Variants in VSIG10 observed in about 807,000 individuals in gnomAD.
VSIG10 encodes the protein V-set and immunoglobulin domain-containing protein 10.
Under a neutral mutation model 58.7 loss-of-function variants are expected in VSIG10, and 48 were observed. The observed-to-expected ratio is 0.82, with a 90% CI of 0.65 to 1.04. The LOEUF (loss-of-function observed/expected upper bound fraction) is 1.04. VSIG10 is among the 50% of genes least tolerant of loss of function. The pLI is 0.00. For missense variants in VSIG10, 628 were observed against 670.0 expected (o/e 0.94, Z 0.69); for synonymous variants, 260 against 267.1 (o/e 0.97, Z 0.26).
At chr12:118,094,500 C>A (rs897156481) in intron 2 of VSIG10, among the ~76,000 whole-genome samples, 1 of 152,000 alleles carries the variant, frequency 6.6e-6, no homozygotes. Context: ...TCTCCTGCCT[C>A]AGCCTCCCGA....
rs766337791 is a variant in VSIG10 at position 118,087,855 on chromosome 12, A to AAAAAAAAAAGAG, written c.362-5427_362-5426insCTCTTTTTTTTT. On this transcript the variant is annotated intron_variant, in intron 2 of 8. Transcript: ENST00000359236. Reference sequence around the variant, plus strand: ...CCTGTCTCAAAAAAAAAAAAAAAAAAAGAGAGAGAAGGAGGTAATGTGACT... The same window carrying AAAAAAAAAAGAG: ...CCTGTCTCAAAAAAAAAAAAAAAAAAAAAAAAAAAGAGAGAGAGAGAAGGAGGTAATGTGACT... 1.3e-3 allele frequency among the ~76,000 whole-genome samples: 170 copies of AAAAAAAAAAGAG among 131,286 alleles called. 7 individuals carry two copies. Among genetic ancestry groups the AAAAAAAAAAGAG allele is most frequent in the Non-Finnish European group, 2.1e-3 (129 of 60,896 alleles). 86.1% of individuals were successfully genotyped at this position (131,286 alleles called of 152,430 possible). A position where few individuals can be genotyped will look rare whatever the true frequency, so the allele number is the denominator to read the frequency against.
chr12:118,070,092 G>A (rs2032425607), intron 7 of VSIG10, among the ~76,000 whole-genome samples: 1 of 152,134 alleles, frequency 6.6e-6, no homozygotes, highest in Admixed American at 6.6e-5. Context: ...TTTTGAAGAG[G>A]TAAAGAACTG....
chr12:118,068,637 AT>A, intron 7 of VSIG10, 40 bp from the exon 8 acceptor site: 1 of 1,492,190 alleles, frequency 6.7e-7, no homozygotes, highest in South Asian at 1.4e-5. Flanking sequence ...AAGATTTCTT[AT>A]TTTTCCCAAC....
At chr12:118,093,357 C>T (rs1047380211) in intron 2 of VSIG10, among the ~76,000 whole-genome samples, 1 of 151,730 alleles carries the variant, frequency 6.6e-6, no homozygotes, top group Non-Finnish European at 1.5e-5. Flanking sequence ...AGTTTACAAC[C>T]TCGCACTCTA....
chr12:118,078,144 T>C (rs2032798532), intron 4 of VSIG10, among the ~76,000 whole-genome samples: 1 of 152,152 alleles, frequency 6.6e-6, no homozygotes. Flanking sequence ...ACTGCAAAAG[T>C]AATTACAATT....
chr12:118,089,474 TA>T (rs1336249756), intron 2 of VSIG10, among the ~76,000 whole-genome samples: 1 of 152,216 alleles, frequency 6.6e-6, no homozygotes, highest in Non-Finnish European at 1.5e-5. Flanking sequence ...AAGATAAGGT[TA>T]TTCATTGATG....
intron 1 of VSIG10, among the ~76,000 whole-genome samples, chr12:118,096,226 A>C (rs1179866253): frequency 2.6e-5 from 4 of 151,220 alleles, no homozygotes. Flanking sequence ...GCGGATCACA[A>C]GGTCAAGACA....
At chr12:118,095,389 G>C in intron 2 of VSIG10, 144 bp downstream of exon 2, 4 of 1,032,594 alleles carry the variant, frequency 3.9e-6, no homozygotes, top group Non-Finnish European at 5.6e-6. Context: ...ATAGAGGTGT[G>C]AGAGGTCCCT....
At chr12:118,084,118 T>C (rs1050516805) in intron 2 of VSIG10, among the ~76,000 whole-genome samples, 2 of 152,096 alleles carry the variant, frequency 1.3e-5, no homozygotes, top group African/African-American at 2.4e-5. Flanking sequence ...AGACCCTCCC[T>C]ATCTCAAGAA....
intron 2 of VSIG10, among the ~76,000 whole-genome samples, chr12:118,089,026 C>A (rs1194533028): frequency 6.6e-6 from 1 of 151,096 alleles, no homozygotes; most frequent in Non-Finnish European, 1.5e-5. Context: ...CGGCTCACTG[C>A]AACCTCCGCC....
At chr12:118,069,126 G>A (rs144434381) in intron 7 of VSIG10, among the ~76,000 whole-genome samples, 1 of 150,056 alleles carries the variant, frequency 6.7e-6, no homozygotes, top group African/African-American at 2.4e-5. Flanking sequence ...GTCTTGCGCT[G>A]TTGCCCAGGC....
intron 1 of VSIG10, chr12:118,102,835 C>T (rs1278975191): frequency 6.6e-6 from 1 of 152,288 alleles, no homozygotes; most frequent in Non-Finnish European, 1.5e-5. Flanking sequence ...TGTCACACTC[C>T]CAGCACACAG....
intron 7 of VSIG10, among the ~76,000 whole-genome samples, chr12:118,069,733 A>C (rs917965254): frequency 6.6e-6 from 1 of 151,924 alleles, no homozygotes; most frequent in African/African-American, 2.4e-5. Flanking sequence ...GGCCTGGACT[A>C]TGCATTTCTT....
At chr12:118,080,847 T>C (rs1329203887) in intron 3 of VSIG10, among the ~76,000 whole-genome samples, 1 of 152,006 alleles carries the variant, frequency 6.6e-6, no homozygotes, top group Non-Finnish European at 1.5e-5. Flanking sequence ...AGAATGCGGA[T>C]TGGGGGTTGT....
At chr12:118,082,757 A>G (rs1378249800) in intron 2 of VSIG10, among the ~76,000 whole-genome samples, 1 of 151,772 alleles carries the variant, frequency 6.6e-6, no homozygotes, top group East Asian at 2.0e-4. Context: ...AAGGAGGATC[A>G]CTTGAGGCCA....
intron 2 of VSIG10, among the ~76,000 whole-genome samples, chr12:118,084,669 A>G (rs2033065691): frequency 3.3e-5 from 5 of 152,128 alleles, no homozygotes. Flanking sequence ...GCTTGAGGTC[A>G]GGAGTTTGAG....
chr12:118,082,522 G>A (rs746362460), intron 2 of VSIG10, 93 bp from the exon 3 acceptor site: 22 of 1,284,224 alleles, frequency 1.7e-5, no homozygotes, highest in Non-Finnish European at 2.4e-5. Flanking sequence ...ACAGAAAATA[G>A]CCAATGAAGA....
At chr12:118,098,053 C>A (rs1322778852) in intron 1 of VSIG10, among the ~76,000 whole-genome samples, 1 of 152,168 alleles carries the variant, frequency 6.6e-6, no homozygotes, top group Non-Finnish European at 1.5e-5. Context: ...CCTAACCAAC[C>A]ACCCCAGCCT....
chr12:118,073,918 A>T lies in VSIG10; in HGVS notation c.1000T>A (p.Ser334Thr). 1.2e-6 allele frequency: 2 copies of T among 1,612,960 alleles called. No homozygotes were observed. Among genetic ancestry groups the T allele is most frequent in the Non-Finnish European group, 1.7e-6 (2 of 1,179,228 alleles). Residue 334 changes from serine (S) to threonine (T), a missense_variant, in exon 5 of 9, where the codon TCT becomes ACT. Physicochemically the swap from Ser to Thr is moderately conservative, Grantham distance 58 (BLOSUM62 1). Coordinates refer to ENST00000359236, the MANE Select transcript of VSIG10 (RefSeq NM_019086.6). ...ATCTTGGCAGGGGGGTAGGCCCCAGACACCTGGCATGTAAGCGTCACATTG... is the reference window on the plus strand; with the variant it reads ...ATCTTGGCAGGGGGGTAGGCCCCAGTCACCTGGCATGTAAGCGTCACATTG... ...GGNVTLTCQV[S>T]GAYPPAKILW...
Sources: allele counts gnomAD v4.1 joint callset (sites outside exome capture counted in the v4.1 genomes callset), GRCh38; gene constraint gnomAD v4.1.1; transcripts MANE v1.5; gene names NCBI Gene and HGNC (gene_info 2026-07-23, HGNC 2026-07-21).